TMEM232: variants seen among roughly 807,000 people sequenced by gnomAD.
TMEM232 encodes the protein transmembrane protein 232.
In TMEM232, 80 loss-of-function variants were observed where a neutral mutation model predicts 78.8. That is an observed-to-expected ratio of 1.01 (90% CI 0.85 to 1.22). The LOEUF (loss-of-function observed/expected upper bound fraction) is 1.22, where lower values mean the gene tolerates loss of function less well. TMEM232 is among the 50% of genes most tolerant of loss of function. TMEM232 has a pLI of 0.00. For missense variants in TMEM232, 881 were observed against 742.2 expected, an observed-to-expected ratio of 1.19 and a Z score of -2.17; for synonymous variants, 297 against 254.3, an observed-to-expected ratio of 1.17 and a Z score of -1.60.
At chr5:110,660,232 T>A (rs1374272771) in intron 2 of TMEM232, among the ~76,000 whole-genome samples, 1 of 151,868 alleles carries the variant, frequency 6.6e-6, no homozygotes, top group Admixed American at 6.6e-5. Context: ...TCAGCTAACT[T>A]CTCAACAGCA....
chr5:110,406,756 TA>T (rs1218055194), intron 2 of TMEM232, among the ~76,000 whole-genome samples: 1 of 152,040 alleles, frequency 6.6e-6, no homozygotes, highest in African/African-American at 2.4e-5. Context: ...AGACAAAATA[TA>T]TTAAAAATAT....
At chr5:110,548,990 C>T (rs922244478) in intron 11 of TMEM232, among the ~76,000 whole-genome samples, 1 of 151,752 alleles carries the variant, frequency 6.6e-6, no homozygotes, top group Non-Finnish European at 1.5e-5. Flanking sequence ...ATATGTAACA[C>T]TAAGCCATAG....
At chr5:110,649,788 C>G (rs760594152) in intron 2 of TMEM232, among the ~76,000 whole-genome samples, 1 of 152,010 alleles carries the variant, frequency 6.6e-6, no homozygotes, top group African/African-American at 2.4e-5. Context: ...TCACTTTTTA[C>G]TTATTAAGCT....
At chr5:110,496,746 C>T (rs987926230) in intron 12 of TMEM232, among the ~76,000 whole-genome samples, 2 of 151,818 alleles carry the variant, frequency 1.3e-5, no homozygotes, top group African/African-American at 4.8e-5. Flanking sequence ...TTTCCCTTTA[C>T]CAAATTTAGG....
Position 110,638,527 on chromosome 5 carries a change from T to C in TMEM232, c.344-172A>G, listed in dbSNP as rs141199150. Among the ~76,000 whole-genome samples, 1,522 of 152,292 alleles carry C rather than the reference T, an allele frequency of 1.0e-2. 33 individuals are homozygous for C. Among genetic ancestry groups the C allele is most frequent in the African/African-American group, 0.034 (1,422 of 41,548 alleles). ...TCATCAAGAGGTGATGTCTATATGCTCTTCTCCTTAAACTTGAGCAGGCCC... is the reference window on the plus strand; with the variant it reads ...TCATCAAGAGGTGATGTCTATATGCCCTTCTCCTTAAACTTGAGCAGGCCC... On this transcript the variant is annotated intron_variant, in intron 4 of 13. Transcript: ENST00000455884.
At chr5:110,580,869 C>G (rs544729239) in intron 10 of TMEM232, among the ~76,000 whole-genome samples, 1 of 151,440 alleles carries the variant, frequency 6.6e-6, no homozygotes, top group South Asian at 2.1e-4. Flanking sequence ...AAACTACCAA[C>G]TAATAGTGGA....
chr5:110,728,564 G>T (rs768115642), upstream of TMEM232, among the ~76,000 whole-genome samples: 1 of 151,384 alleles, frequency 6.6e-6, no homozygotes, highest in Non-Finnish European at 1.5e-5. Flanking sequence ...GACCCACAAT[G>T]ATTTTAAAAA....
At chr5:110,511,772 A>G (rs1004273378) in intron 12 of TMEM232, among the ~76,000 whole-genome samples, 3 of 152,162 alleles carry the variant, frequency 2.0e-5, no homozygotes, top group African/African-American at 7.2e-5. Flanking sequence ...AAACACAAAC[A>G]CATACTCATT....
At chr5:110,703,305 C>CA (rs1795615299) in intron 1 of TMEM232, among the ~76,000 whole-genome samples, 1 of 151,994 alleles carries the variant, frequency 6.6e-6, no homozygotes, top group Non-Finnish European at 1.5e-5. Context: ...GACCCAACGA[C>CA]AGACCTATTT....
chr5:110,445,490 G>GT lies in TMEM232; in HGVS notation c.1704-20575dup, dbSNP rs550791676. 4.7e-3 allele frequency among the ~76,000 whole-genome samples: 714 copies of GT among 152,182 alleles called. 6 individuals carry two copies. Among genetic ancestry groups the GT allele is most frequent in the African/African-American group, 0.017 (690 of 41,496 alleles). On this transcript the variant is annotated intron_variant, in intron 12 of 13. Coordinates refer to ENST00000455884, the MANE Select transcript of TMEM232 (RefSeq NM_001039763.4). ...ATACAAAGTCAATTGGAGTCTATGGGTTTCTGGGGCATGTTGAATAATGGC... is the reference window on the plus strand; with the variant it reads ...ATACAAAGTCAATTGGAGTCTATGGGTTTTCTGGGGCATGTTGAATAATGGC...
At chr5:110,655,695 G>A (rs1314256390) in intron 2 of TMEM232, among the ~76,000 whole-genome samples, 6 of 151,258 alleles carry the variant, frequency 4.0e-5, no homozygotes, top group Non-Finnish European at 1.5e-5. Context: ...AGAAAATGTG[G>A]CACATATACA....
At chr5:110,537,815 C>T (rs1772587645) in intron 11 of TMEM232, among the ~76,000 whole-genome samples, 1 of 152,194 alleles carries the variant, frequency 6.6e-6, no homozygotes. Context: ...TTCAAGAATC[C>T]CAGGAAATTT....
chr5:110,464,491 C>CTGGT (rs1478368449), intron 12 of TMEM232, among the ~76,000 whole-genome samples: 2 of 152,118 alleles, frequency 1.3e-5, no homozygotes, highest in Non-Finnish European at 2.9e-5. Flanking sequence ...TAATTGGTAG[C>CTGGT]TGGTTGCAAT....
At chr5:110,513,179 G>T (rs1768047886) in intron 12 of TMEM232, among the ~76,000 whole-genome samples, 1 of 152,252 alleles carries the variant, frequency 6.6e-6, no homozygotes, top group Admixed American at 6.5e-5. Context: ...GATAAACTGA[G>T]TTATATATTA....
At chr5:110,436,082 C>G (rs974852302) in intron 12 of TMEM232, among the ~76,000 whole-genome samples, 1 of 151,826 alleles carries the variant, frequency 6.6e-6, no homozygotes, top group Non-Finnish European at 1.5e-5. Context: ...CCAATACTTG[C>G]AAGGGATCCC....
chr5:110,628,458 A>G (rs1025248157), intron 5 of TMEM232, among the ~76,000 whole-genome samples: 4 of 152,138 alleles, frequency 2.6e-5, no homozygotes, highest in African/African-American at 9.7e-5. Context: ...TCATTATTAA[A>G]TAAGCAATGC....
At chr5:110,730,057 T>A (rs567224909), upstream of TMEM232, among the ~76,000 whole-genome samples, 4 of 152,298 alleles carry the variant, frequency 2.6e-5, no homozygotes, top group African/African-American at 4.8e-5. Flanking sequence ...TGAGTACTCA[T>A]TAAAAAGTCA....
chr5:110,673,708 G>A (rs1484179328), intron 1 of TMEM232, among the ~76,000 whole-genome samples: 2 of 152,068 alleles, frequency 1.3e-5, no homozygotes, highest in Non-Finnish European at 2.9e-5. Context: ...CTGGATCATT[G>A]GATTCTGAAG....
At position 110,473,785 on chromosome 5, in the gene TMEM232, C is replaced by T. The variant is rs887612519; in HGVS notation, c.1704-48869G>A. On this transcript the variant is annotated intron_variant, in intron 12 of 13. Coordinates refer to ENST00000455884, the MANE Select transcript of TMEM232 (RefSeq NM_001039763.4). ...AATAAAGAAAATATAATATATATACCCAATGGAATACTAGTCAAATTCAAA... is the reference window on the plus strand; with the variant it reads ...AATAAAGAAAATATAATATATATACTCAATGGAATACTAGTCAAATTCAAA... Among the ~76,000 whole-genome samples, 3 of 145,804 alleles carry T rather than the reference C, an allele frequency of 2.1e-5. No individual in the cohort carries two copies. In the East Asian group the frequency reaches 6.1e-4, roughly 30 times the overall value.
Sources: allele counts gnomAD v4.1 joint callset (sites outside exome capture counted in the v4.1 genomes callset), GRCh38; gene constraint gnomAD v4.1.1; transcripts MANE v1.5; gene names NCBI Gene and HGNC (gene_info 2026-07-23, HGNC 2026-07-21).